The following RIMS2 variants were observed in gnomAD, a reference collection of about 807,000 sequenced individuals.
RIMS2 encodes the protein regulating synaptic membrane exocytosis 2.
RIMS2 carries 59 observed loss-of-function variants against 174.4 expected under a neutral mutation model. The observed-to-expected ratio is 0.34, with a 90% CI of 0.27 to 0.42. RIMS2 has a LOEUF of 0.42. Among genes scored for constraint, RIMS2 ranks in the 10% least tolerant of loss-of-function variants. RIMS2 has a pLI of 1.00. For synonymous variants in RIMS2, 606 were observed against 572.5 expected, an observed-to-expected ratio of 1.06 and a Z score of -0.84; for missense variants, 1,620 against 1,666.3, an observed-to-expected ratio of 0.97 and a Z score of 0.48.
intron 3 of RIMS2, among the ~76,000 whole-genome samples, chr8:103,811,652 G>A (rs1162564191): frequency 1.3e-5 from 2 of 152,068 alleles, no homozygotes; most frequent in East Asian, 1.9e-4. Flanking sequence ...CACCATGTTG[G>A]CCAGGCTGGT....
intron 3 of RIMS2, among the ~76,000 whole-genome samples, chr8:103,801,525 G>A (rs1222921504): frequency 1.3e-5 from 2 of 152,022 alleles, no homozygotes; most frequent in African/African-American, 2.4e-5. Flanking sequence ...CCTTTTTCAT[G>A]TTCCATACTA....
Position 103,761,625 on chromosome 8 carries a change from A to G in RIMS2, c.388-4602A>G, listed in dbSNP as rs570509406. Among the ~76,000 whole-genome samples the G allele has an allele frequency of 3.3e-5, 5 of 152,360 alleles. No individual in the cohort carries two copies. In the South Asian group the frequency reaches 6.2e-4, roughly 19 times the overall value. On this transcript the variant is annotated intron_variant, in intron 2 of 23. Coordinates refer to ENST00000504942, the Ensembl canonical transcript of RIMS2. ...TAATCCATTGGTAGAATATAATTGT[A>G]TGGTCATAGCTGCCCAAGATAACAT... is the stretch of plus-strand genomic sequence containing the variant.
chr8:103,781,695 T>G (rs745794492), intron 3 of RIMS2, among the ~76,000 whole-genome samples: 19 of 151,918 alleles, frequency 1.3e-4, no homozygotes, highest in Non-Finnish European at 1.9e-4. Flanking sequence ...AGAATTTTCT[T>G]ATGCTTCAAG....
chr8:104,134,727 T>C (rs2098504040), intron 19 of RIMS2, among the ~76,000 whole-genome samples: 1 of 152,220 alleles, frequency 6.6e-6, no homozygotes, highest in Non-Finnish European at 1.5e-5. Flanking sequence ...GGGCTTCATC[T>C]TGAACATATC....
chr8:103,712,191 A>G (rs1022344208), intron 2 of RIMS2, among the ~76,000 whole-genome samples: 7 of 147,658 alleles, frequency 4.7e-5, no homozygotes, highest in Non-Finnish European at 7.4e-5. Flanking sequence ...TTTTTTTTAA[A>G]TAGAGACAGG....
At chr8:104,004,750 G>T (rs755970381) in intron 17 of RIMS2, among the ~76,000 whole-genome samples, 1 of 152,054 alleles carries the variant, frequency 6.6e-6, no homozygotes, top group Non-Finnish European at 1.5e-5. Context: ...TCTTAGGGGA[G>T]GTAGGAGGTC....
In RIMS2 at chr8:103,630,409, A is replaced by G. The variant is rs78199528; in HGVS notation, c.177-66677A>G. On this transcript the variant is annotated intron_variant, in intron 1 of 23. Coordinates refer to ENST00000504942, the Ensembl canonical transcript of RIMS2. ...AAGCATTCTCAGATGAAGGAAATCT[A>G]AGAACATTTGTCACCACAGGCTTAC... Among the ~76,000 whole-genome samples the G allele has an allele frequency of 6.4e-3, 974 of 152,202 alleles. 11 individuals are homozygous for G. The highest frequency in any genetic ancestry group is 0.022 in the African/African-American group (905 of 41,554).
intron 3 of RIMS2, among the ~76,000 whole-genome samples, chr8:103,866,509 A>G (rs1195708041): frequency 1.3e-5 from 2 of 151,962 alleles, no homozygotes; most frequent in Admixed American, 1.3e-4. Context: ...CCTTTTTGGT[A>G]ACTTATTTTG....
intron 13 of RIMS2, among the ~76,000 whole-genome samples, chr8:103,941,726 G>A (rs920360019): frequency 4.6e-5 from 7 of 151,912 alleles, no homozygotes; most frequent in South Asian, 2.1e-4. Context: ...TTTAAAATCC[G>A]TTCTTGTTTT....
At chr8:104,051,751 C>T (rs997226577) in intron 19 of RIMS2, among the ~76,000 whole-genome samples, 3 of 152,070 alleles carry the variant, frequency 2.0e-5, no homozygotes, top group African/African-American at 7.2e-5. Context: ...TCAATCTCTG[C>T]CACCTACTAG....
At chr8:104,129,650 A>G (rs1213929304) in intron 19 of RIMS2, among the ~76,000 whole-genome samples, 1 of 152,212 alleles carries the variant, frequency 6.6e-6, no homozygotes, top group Non-Finnish European at 1.5e-5. Flanking sequence ...AAACATACAG[A>G]TGGGCAGATA....
At chr8:103,785,501 G>A (rs1357078135) in intron 3 of RIMS2, among the ~76,000 whole-genome samples, 1 of 152,058 alleles carries the variant, frequency 6.6e-6, no homozygotes, top group Non-Finnish European at 1.5e-5. Context: ...TTTTGTCAAA[G>A]GCTTTTTCTG....
At chr8:104,161,219 A>G (rs2098758924) in intron 19 of RIMS2, among the ~76,000 whole-genome samples, 2 of 152,170 alleles carry the variant, frequency 1.3e-5, no homozygotes, top group South Asian at 2.1e-4. Flanking sequence ...AGTGGAAATG[A>G]TTCCTTCCAG....
intron 4 of RIMS2, among the ~76,000 whole-genome samples, chr8:103,907,896 C>T (rs948854520): frequency 6.6e-6 from 1 of 151,462 alleles, no homozygotes; most frequent in African/African-American, 2.4e-5. Context: ...CATGCACCCG[C>T]CACCATGCCC....
intron 3 of RIMS2, among the ~76,000 whole-genome samples, chr8:103,822,256 C>A (rs2098756612): frequency 6.6e-6 from 1 of 151,688 alleles, no homozygotes; most frequent in Non-Finnish European, 1.5e-5. Flanking sequence ...ATCCCCAAAT[C>A]TGCAACTCAA....
At chr8:104,146,851 C>T (rs1334849662) in intron 19 of RIMS2, among the ~76,000 whole-genome samples, 1 of 152,070 alleles carries the variant, frequency 6.6e-6, no homozygotes, top group African/African-American at 2.4e-5. Context: ...CATGTGCCAC[C>T]ATGCCTGGCT....
chr8:104,192,375 TA>T (rs540222391), intron 19 of RIMS2, among the ~76,000 whole-genome samples: 20 of 152,016 alleles, frequency 1.3e-4, no homozygotes, highest in Admixed American at 1.2e-3. Flanking sequence ...GAAATTCCAT[TA>T]AAAAAAAGCA....
chr8:104,045,985 A>T (rs1012280337), intron 19 of RIMS2, among the ~76,000 whole-genome samples: 1 of 152,038 alleles, frequency 6.6e-6, no homozygotes, highest in Non-Finnish European at 1.5e-5. Context: ...AAAAATTAAT[A>T]CAATTACAGT....
chr8:103,905,184 G>T (rs192643142), intron 4 of RIMS2, among the ~76,000 whole-genome samples: 3 of 152,062 alleles, frequency 2.0e-5, no homozygotes, highest in Admixed American at 2.0e-4. Flanking sequence ...TTTTTGTTTA[G>T]TATCTTTATT....
Sources: gnomAD v4.1 joint callset for allele counts (sites outside exome capture counted in the v4.1 genomes callset) on GRCh38, gnomAD v4.1.1 for gene constraint, MANE v1.5 for transcripts, NCBI Gene and HGNC (gene_info 2026-07-23, HGNC 2026-07-21) for gene names.